The following DNAI3 variants were observed in gnomAD, a reference collection of about 807,000 sequenced individuals.
DNAI3 encodes the protein WD repeat domain 63.
In DNAI3, 83 loss-of-function variants were observed where a neutral mutation model predicts 115.5. The ratio of observed to expected loss-of-function variants is 0.72; its 90% CI spans 0.60 to 0.86. DNAI3 has a LOEUF of 0.86. DNAI3 is among the 40% of genes least tolerant of loss of function. The pLI is 0.00. For missense variants in DNAI3, 1,004 were observed against 1,075.8 expected (o/e 0.93, Z 0.93); for synonymous variants, 320 against 347.0 (o/e 0.92, Z 0.86).
At chr1:85,065,548 G>A (rs1029346269) in intron 1 of DNAI3, among the ~76,000 whole-genome samples, 1 of 152,212 alleles carries the variant, frequency 6.6e-6, no homozygotes, top group Non-Finnish European at 1.5e-5. Context: ...TTCCTGGGCA[G>A]ATATCCTTGC....
At chr1:85,120,435 C>T (rs888844871) in intron 17 of DNAI3, among the ~76,000 whole-genome samples, 1 of 152,182 alleles carries the variant, frequency 6.6e-6, no homozygotes, top group Non-Finnish European at 1.5e-5. Context: ...AACAGAATTA[C>T]AGAAGTGGCT....
intron 2 of DNAI3, among the ~76,000 whole-genome samples, chr1:85,072,756 C>A (rs536747648): frequency 6.6e-6 from 1 of 151,400 alleles, no homozygotes; most frequent in Non-Finnish European, 1.5e-5. Context: ...GAGATGGAGA[C>A]CATCCTGGTT....
intron 1 of DNAI3, among the ~76,000 whole-genome samples, chr1:85,070,244 G>C (rs952765560): frequency 6.6e-6 from 1 of 152,166 alleles, no homozygotes; most frequent in East Asian, 1.9e-4. Context: ...CTGGGCAACA[G>C]AGTGAAACTC....
At chr1:85,071,839 T>G (rs4907132) in intron 1 of DNAI3, 89 bp from the exon 2 acceptor site, 7 of 1,249,696 alleles carry the variant, frequency 5.6e-6, no homozygotes, top group Non-Finnish European at 6.8e-6. Context: ...CATATTCTTA[T>G]GTTTATTAAA....
chr1:85,063,451 G>A (rs1366476255), intron 1 of DNAI3, among the ~76,000 whole-genome samples: 1 of 152,170 alleles, frequency 6.6e-6, no homozygotes, highest in African/African-American at 2.4e-5. Context: ...GACGCAGTGA[G>A]GCACACTGTG....
At chr1:85,116,555 A>T (rs1029790883) in intron 16 of DNAI3, among the ~76,000 whole-genome samples, 1 of 152,208 alleles carries the variant, frequency 6.6e-6, no homozygotes. Flanking sequence ...TGTGTACATG[A>T]TTTAAAAAGA....
At chr1:85,065,408 T>C (rs1654068799) in intron 1 of DNAI3, among the ~76,000 whole-genome samples, 1 of 152,176 alleles carries the variant, frequency 6.6e-6, no homozygotes, top group Non-Finnish European at 1.5e-5. Context: ...ATATGTATAT[T>C]CAGGGAGATA....
chr1:85,076,349 A>G (rs1471916317), intron 3 of DNAI3, among the ~76,000 whole-genome samples: 3 of 152,226 alleles, frequency 2.0e-5, no homozygotes, highest in Non-Finnish European at 2.9e-5. Context: ...AAATAAATAA[A>G]TAAAAAGAAC....
chr1:85,077,653 TGGTTACTTGG>T (rs2100562367), intron 3 of DNAI3, among the ~76,000 whole-genome samples: 1 of 152,272 alleles, frequency 6.6e-6, no homozygotes, highest in African/African-American at 2.4e-5. Context: ...AACAGCTTAG[TGGTTACTTGG>T]GGTTACTTAG....
chr1:85,106,789 T>C (rs538300299), intron 14 of DNAI3, among the ~76,000 whole-genome samples: 70 of 152,328 alleles, frequency 4.6e-4, no homozygotes, highest in Non-Finnish European at 7.5e-4. Flanking sequence ...GGATAAAGAA[T>C]AATCTTTTCA....
chr1:85,110,416 A>G (rs1029538153), intron 16 of DNAI3, among the ~76,000 whole-genome samples: 2 of 150,160 alleles, frequency 1.3e-5, no homozygotes, highest in African/African-American at 2.5e-5. Context: ...GTGCCACTGT[A>G]CTCCAGTCCG....
chr1:85,065,333 T>C (rs1654063096), intron 1 of DNAI3, among the ~76,000 whole-genome samples: 1 of 152,170 alleles, frequency 6.6e-6, no homozygotes, highest in African/African-American at 2.4e-5. Flanking sequence ...AGGGGGACTC[T>C]CTAAAATAAA....
intron 1 of DNAI3, among the ~76,000 whole-genome samples, chr1:85,064,525 G>A (rs1654033608): frequency 6.6e-6 from 1 of 152,170 alleles, no homozygotes; most frequent in Non-Finnish European, 1.5e-5. Context: ...AATAGTTCTT[G>A]CAGACGCATT....
intron 14 of DNAI3, among the ~76,000 whole-genome samples, chr1:85,105,221 A>G (rs148584698): frequency 0.01 from 1,562 of 152,320 alleles, 31 homozygotes; most frequent in East Asian, 0.091. Flanking sequence ...AGAAGAAGGC[A>G]CAAGTGATGT....
chr1:85,107,573 G>A (rs1655526918), intron 14 of DNAI3, among the ~76,000 whole-genome samples: 1 of 152,154 alleles, frequency 6.6e-6, no homozygotes, highest in African/African-American at 2.4e-5. Flanking sequence ...TAGGGCTGGT[G>A]GGATGGCTTG....
At chr1:85,086,990 A>C (rs1237898464) in intron 7 of DNAI3, among the ~76,000 whole-genome samples, 5 of 151,876 alleles carry the variant, frequency 3.3e-5, no homozygotes, top group African/African-American at 7.3e-5. Flanking sequence ...ATCCAGCCAC[A>C]CTGGCTTCCT....
At chr1:85,126,761 G>A (rs752905933) in intron 20 of DNAI3, 46 bp downstream of exon 20, 14 of 1,604,184 alleles carry the variant, frequency 8.7e-6, no homozygotes, top group Middle Eastern at 1.7e-4. Flanking sequence ...TGGGTAACTC[G>A]GGAACATCTT....
intron 1 of DNAI3, among the ~76,000 whole-genome samples, chr1:85,064,794 A>T (rs571867642): frequency 1.3e-5 from 2 of 152,262 alleles, no homozygotes; most frequent in Admixed American, 1.3e-4. Flanking sequence ...GCACTTTGGG[A>T]GGCCGAGGCA....
At chr1:85,106,115 G>C (rs191082564) in intron 14 of DNAI3, among the ~76,000 whole-genome samples, 93 of 152,278 alleles carry the variant, frequency 6.1e-4, no homozygotes, top group Admixed American at 5.4e-3. Flanking sequence ...ACTCCAGCCT[G>C]GGTACTTCTT....
Sources: gnomAD v4.1 joint callset for allele counts (sites outside exome capture counted in the v4.1 genomes callset) on GRCh38, gnomAD v4.1.1 for gene constraint, MANE v1.5 for transcripts, NCBI Gene and HGNC (gene_info 2026-07-23, HGNC 2026-07-21) for gene names.